Variants in ZFP92 observed in about 807,000 individuals in gnomAD.
ZFP92 encodes the protein zinc finger protein 92 homolog.
ZFP92 carries 2 observed loss-of-function variants against 7.6 expected under a neutral mutation model. The ratio of observed to expected loss-of-function variants is 0.26; its 90% CI spans 0.11 to 0.83. The LOEUF (loss-of-function observed/expected upper bound fraction) is 0.83. ZFP92 is among the 40% of genes least tolerant of loss of function. The probability of loss-of-function intolerance (pLI) is 0.65; values close to 1 mark genes in which losing one functional copy is unlikely to be tolerated. For missense variants in ZFP92, 324 were observed against 408.3 expected (o/e 0.79, Z 1.78); for synonymous variants, 226 against 183.6 (o/e 1.23, Z -1.87).
chrX:153,421,204 G>A lies in ZFP92; in HGVS notation c.827G>A (p.Ser276Asn). Residue 276 changes from serine to asparagine, a missense_variant, in exon 6 of 6, where the codon AGC becomes AAC. By Grantham distance (46) the Ser-to-Asn change is conservative. Transcript: ENST00000338647. ...GAGTGCGGCAAGGCCTTCAGCCGCA[G>A]CTCCAACCTCATCGAGCACCAGCGC... ...CPECGKAFSR[S>N]SNLIEHQRTH... 8.4e-7 allele frequency: 1 copy of A among 1,188,601 alleles called. No homozygotes were observed. The highest frequency in any genetic ancestry group is 1.1e-6 in the Non-Finnish European group (1 of 883,985).
At chrX:153,418,002 G>A (rs2088967295) in intron 2 of ZFP92, among the ~76,000 whole-genome samples, 1 of 112,079 alleles carries the variant, frequency 8.9e-6, no homozygotes, top group Non-Finnish European at 1.9e-5. Flanking sequence ...GGCGAGAAAG[G>A]GGCTTCAGTG....
At position 153,425,139 on chromosome X, in the gene ZFP92, A is replaced by G. The variant is rs1054320962; in HGVS notation, c.*3511A>G. On this transcript the variant is annotated 3_prime_UTR_variant, in exon 6 of 6. Transcript: ENST00000338647. ...GGCCTGGTCCCCTGTGTTCCTCAGCAAAGTGCCACATCAGTCTCCTGAGAA... is the reference window on the plus strand; with the variant it reads ...GGCCTGGTCCCCTGTGTTCCTCAGCGAAGTGCCACATCAGTCTCCTGAGAA... 3.6e-5 allele frequency: 4 copies of G among 112,508 alleles called. No homozygotes were observed. The highest frequency in any genetic ancestry group is 4.2e-3 in the Middle Eastern group (1 of 240). The allele number at this position is 112,508 out of a possible 1,213,427, so 9.3% of individuals were successfully genotyped here. A position where few individuals can be genotyped will look rare whatever the true frequency, so the allele number is the denominator to read the frequency against.
In ZFP92 at chrX:153,420,963, C is replaced by T. The variant is rs782207287; in HGVS notation, c.586C>T (p.Leu196=). The change falls in exon 6 of 6, where the codon CTG becomes TTG. Residue 196 remains leucine (L), a synonymous_variant. Transcript: ENST00000338647. ...GCTGTTTCGCCGCAGCTTCGCGCTC[C>T]TGGAGCACCAGCGCATCCACAGCGG... is the stretch of plus-strand genomic sequence containing the variant. ...GKLFRRSFAL[L]EHQRIHSGEK... is the part of the protein sequence containing the mutation. 4.2e-6 allele frequency: 5 copies of T among 1,196,681 alleles called. No individual in the cohort carries two copies. In the East Asian group the frequency reaches 1.5e-4, roughly 36 times the overall value.
Position 153,411,990 on chromosome X carries a change from A to G in ZFP92, c.-42A>G, listed in dbSNP as rs1257410927. ...CCACCGGTCCCGAGGCTGGCTAAAG[A>G]GCATCCTGTCGCTGATCTGCCTGGT... is the stretch of plus-strand genomic sequence containing the variant. On this transcript the variant is annotated 5_prime_UTR_variant, in exon 2 of 6. Transcript: ENST00000338647. Among the ~76,000 whole-genome samples the G allele has an allele frequency of 8.9e-6, 1 of 112,789 alleles. No homozygotes were observed. The highest frequency in any genetic ancestry group is 9.3e-5 in the Admixed American group (1 of 10,792).
intron 2 of ZFP92, among the ~76,000 whole-genome samples, chrX:153,416,034 C>T (rs1488535681): frequency 9.0e-6 from 1 of 111,343 alleles, no homozygotes; most frequent in Non-Finnish European, 1.9e-5. Context: ...AACAGCCTCT[C>T]TCCCCAGTCT....
chrX:153,421,017 A>T lies in ZFP92; in HGVS notation c.640A>T (p.Ser214Cys). 1 of 1,183,783 alleles carries T rather than the reference A, an allele frequency of 8.4e-7. No individual in the cohort carries two copies. Among genetic ancestry groups the T allele is most frequent in the East Asian group, 3.1e-5 (1 of 32,595 alleles). The change falls in exon 6 of 6, where the codon AGC becomes TGC. Residue 214 changes from serine to cysteine, a missense_variant. Ser to Cys is a moderately radical substitution (Grantham distance 112). Coordinates refer to ENST00000338647, the MANE Select transcript of ZFP92 (RefSeq NM_001136273.2). ...GAAGCCCTACGCCTGCCCCGAGTGC[A>T]GCAAGACCTTCACGCGCAGCTCCAA... The part of the protein sequence containing the change: ...GEKPYACPEC[S>C]KTFTRSSNLI...
rs1467998802 is a variant in ZFP92 at position 153,421,582 on chromosome X, C to T, written c.1205C>T (p.Pro402Leu). Reference sequence around the variant, plus strand: ...AGCGCGGTGGCGGCCACCAGCCCCCCGCGGCCGAGCACAGCCGCCAGGCCT... The same window carrying T: ...AGCGCGGTGGCGGCCACCAGCCCCCTGCGGCCGAGCACAGCCGCCAGGCCT... ...PGSAVAATSP[P>L]RPSTAARPSR... The change falls in exon 6 of 6, where the codon CCG (proline) becomes CTG (leucine). Residue 402 changes from proline to leucine, a missense_variant. By Grantham distance (98) the Pro-to-Leu change is moderately conservative. Transcript: ENST00000338647. 10 of 1,044,466 alleles carry T rather than the reference C, an allele frequency of 9.6e-6. No individual in the cohort carries two copies. Among genetic ancestry groups the T allele is most frequent in the Admixed American group, 9.1e-5 (2 of 21,868 alleles). 86.1% of individuals were successfully genotyped at this position (1,044,466 alleles called of 1,213,427 possible).
intron 2 of ZFP92, among the ~76,000 whole-genome samples, chrX:153,417,863 G>C (rs1389204526): frequency 1.8e-5 from 2 of 111,758 alleles, no homozygotes; most frequent in African/African-American, 3.3e-5. Flanking sequence ...GAGCAGGGTG[G>C]GCCCTAATCC....
At position 153,421,086 on chromosome X, in the gene ZFP92, G is replaced by A. The variant is rs782217984; in HGVS notation, c.709G>A (p.Ala237Thr). The A allele has an allele frequency of 1.0e-5, 12 of 1,180,646 alleles. No homozygotes were observed. The highest frequency in any genetic ancestry group is 5.6e-5 in the South Asian group (3 of 53,534). The part of the protein sequence containing the change: ...QVIHSGERPF[A>T]CGDCGKLFRR... Reference sequence around the variant, plus strand: ...CATCCACAGCGGCGAGCGGCCCTTCGCCTGCGGCGACTGCGGCAAACTGTT... The same window carrying A: ...CATCCACAGCGGCGAGCGGCCCTTCACCTGCGGCGACTGCGGCAAACTGTT... The change falls in exon 6 of 6, where the codon GCC becomes ACC. Residue 237 changes from alanine to threonine, a missense_variant. Transcript: ENST00000338647.
At chrX:153,412,988 C>G (rs2088921232) in intron 2 of ZFP92, among the ~76,000 whole-genome samples, 1 of 111,434 alleles carries the variant, frequency 9.0e-6, no homozygotes, top group African/African-American at 3.3e-5. Flanking sequence ...GGGCCCCGGT[C>G]GACCCATGCA....
intron 2 of ZFP92, among the ~76,000 whole-genome samples, chrX:153,412,678 G>C (rs937337944): frequency 3.6e-5 from 4 of 111,849 alleles, no homozygotes; most frequent in Non-Finnish European, 5.6e-5. Context: ...AGGCCCTGAG[G>C]CAGGGGTGGC....
chrX:153,418,380 C>T, intron 3 of ZFP92, 25 bp downstream of exon 3: 2 of 1,165,375 alleles, frequency 1.7e-6, no homozygotes, highest in Non-Finnish European at 2.3e-6. Context: ...CTCTCCCTGG[C>T]CTCTCCCCCT....
chrX:153,420,793 C>T lies in ZFP92; in HGVS notation c.416C>T (p.Ala139Val), dbSNP rs782741326. ...GCCCAGGGCTTGGGGCAGAGTTCGG[C>T]TGCGGGGCCGCAGGGCCCCAAAGGC... ...RGAQGLGQSS[A>V]AGPQGPKGAE... is the part of the protein sequence containing the mutation. The change falls in exon 6 of 6, where the codon GCT becomes GTT. Residue 139 changes from alanine (A) to valine (V), a missense_variant. Coordinates refer to ENST00000338647, the MANE Select transcript of ZFP92 (RefSeq NM_001136273.2). 2 of 1,168,606 alleles carry T rather than the reference C, an allele frequency of 1.7e-6. No homozygotes were observed. Among genetic ancestry groups the T allele is most frequent in the South Asian group, 3.8e-5 (2 of 52,817 alleles).
intron 4 of ZFP92, among the ~76,000 whole-genome samples, chrX:153,419,164 G>A (rs987231620): frequency 1.8e-5 from 2 of 112,630 alleles, no homozygotes; most frequent in Non-Finnish European, 3.8e-5. Flanking sequence ...TTTCTATGAC[G>A]GCTGCATTTT....
intron 2 of ZFP92, among the ~76,000 whole-genome samples, chrX:153,417,835 G>C (rs1346852663): frequency 3.6e-5 from 4 of 111,897 alleles, no homozygotes; most frequent in Admixed American, 9.5e-5. Flanking sequence ...ATCAAGGTAA[G>C]ATGAGGTCAT....
At position 153,421,010 on chromosome X, in the gene ZFP92, C is replaced by G. The variant is rs782451719; in HGVS notation, c.633C>G (p.Pro211=). 2 of 1,199,258 alleles carry G rather than the reference C, an allele frequency of 1.7e-6. No individual in the cohort carries two copies. Among genetic ancestry groups the G allele is most frequent in the African/African-American group, 3.5e-5 (2 of 56,778 alleles). ...GCGGCGAGAAGCCCTACGCCTGCCC[C>G]GAGTGCAGCAAGACCTTCACGCGCA... is the stretch of plus-strand genomic sequence containing the variant. ...IHSGEKPYAC[P]ECSKTFTRSS... The change falls in exon 6 of 6, where the codon CCC becomes CCG. Residue 211 remains proline (P), a synonymous_variant. Coordinates refer to ENST00000338647, the MANE Select transcript of ZFP92 (RefSeq NM_001136273.2).
Position 153,423,422 on chromosome X carries a change from A to ACACC in ZFP92, c.*1797_*1798insCCAC, listed in dbSNP as rs1198429192. ...CACACACACACACACACACACACACACACACACACACGATATATATAGTTT... is the reference window on the plus strand; with the variant it reads ...CACACACACACACACACACACACACACACCCACACACACACGATATATATAGTTT... On this transcript the variant is annotated 3_prime_UTR_variant, in exon 6 of 6. Transcript: ENST00000338647. 2.7e-5 allele frequency: 3 copies of ACACC among 111,080 alleles called. No homozygotes were observed. The highest frequency in any genetic ancestry group is 9.9e-5 in the African/African-American group (3 of 30,437). The allele number at this position is 111,080 out of a possible 1,213,427, so 9.2% of individuals were successfully genotyped here.
Position 153,421,736 on chromosome X carries a change from A to G in ZFP92, c.*108A>G. The stretch of plus-strand genomic sequence containing the variant: ...GGAAGACCGCCCTCCCAGGGCCTCG[A>G]TTGCGGCCACAGCCCTGACCTCTTT... On this transcript the variant is annotated 3_prime_UTR_variant, in exon 6 of 6. Transcript: ENST00000338647. 1.2e-6 allele frequency: 1 copy of G among 866,298 alleles called. No homozygotes were observed. Among genetic ancestry groups the G allele is most frequent in the Non-Finnish European group, 1.4e-6 (1 of 702,071 alleles). 71.4% of individuals were successfully genotyped at this position (866,298 alleles called of 1,213,427 possible). A position where few individuals can be genotyped will look rare whatever the true frequency, so the allele number is the denominator to read the frequency against.
chrX:153,412,211 C>G (rs782011466), intron 2 of ZFP92, among the ~76,000 whole-genome samples, 198 bp downstream of exon 2: 4 of 112,357 alleles, frequency 3.6e-5, no homozygotes, highest in African/African-American at 9.7e-5. Flanking sequence ...ACTGGCATGC[C>G]ACGGAAAAGC....
Sources: gnomAD v4.1 joint callset for allele counts (sites outside exome capture counted in the v4.1 genomes callset) on GRCh38, gnomAD v4.1.1 for gene constraint, MANE v1.5 for transcripts, NCBI Gene and HGNC (gene_info 2026-07-23, HGNC 2026-07-21) for gene names.